The following AARS1 variants were observed in gnomAD, a reference collection of about 807,000 sequenced individuals.
AARS1 encodes alanyl-tRNA synthetase 1.
Under a neutral mutation model 108.9 loss-of-function variants are expected in AARS1, and 72 were observed. The ratio of observed to expected loss-of-function variants is 0.66; its 90% CI spans 0.55 to 0.80. The LOEUF (loss-of-function observed/expected upper bound fraction) is 0.80. AARS1 is among the 30% of genes least tolerant of loss of function. The probability of loss-of-function intolerance (pLI) is 0.00; values close to 1 mark genes in which losing one functional copy is unlikely to be tolerated. For missense variants in AARS1, 1,193 were observed against 1,233.2 expected (o/e 0.97, Z 0.49); for synonymous variants, 489 against 465.7 (o/e 1.05, Z -0.64).
intron 11 of AARS1, among the ~76,000 whole-genome samples, chr16:70,264,489 G>A (rs951631084): frequency 7.9e-5 from 12 of 151,904 alleles, no homozygotes; most frequent in South Asian, 6.2e-4. Context: ...GCTAATTTCC[G>A]TATTTTTAGT....
intron 13 of AARS1, among the ~76,000 whole-genome samples, chr16:70,259,430 C>T (rs914491006): frequency 9.2e-5 from 14 of 152,246 alleles, no homozygotes; most frequent in Middle Eastern, 3.4e-3. Flanking sequence ...TCTTTTCCAC[C>T]GCCTAGAACA....
rs111980438 is a variant in AARS1, at chr16:70,253,801, C to T, written c.2521-1G>A. The T allele has an allele frequency of 6.2e-7, 1 of 1,614,216 alleles. No individual in the cohort carries two copies. The highest frequency in any genetic ancestry group is 8.5e-7 in the Non-Finnish European group (1 of 1,180,038). Reference sequence around the variant, plus strand: ...TGAACTGCTTCGTCTTCTCTAACACCTGCAAGAAAAAAGTCCAGAACAGCA... The same window carrying T: ...TGAACTGCTTCGTCTTCTCTAACACTTGCAAGAAAAAAGTCCAGAACAGCA... On this transcript the variant is annotated splice_acceptor_variant, in intron 18 of 20. Coordinates refer to ENST00000261772, the MANE Select transcript of AARS1 (RefSeq NM_001605.3). LOFTEE classifies it high-confidence loss of function.
chr16:70,265,835 A>G (rs1960249793), intron 9 of AARS1, among the ~76,000 whole-genome samples, 173 bp from the exon 10 acceptor site: 1 of 152,218 alleles, frequency 6.6e-6, no homozygotes, highest in Admixed American at 6.5e-5. Context: ...ACCTGGGGGA[A>G]GCACAATGGA....
intron 14 of AARS1, 99 bp downstream of exon 14, chr16:70,258,881 C>T (rs1312085662): frequency 1.5e-5 from 20 of 1,373,194 alleles, no homozygotes; most frequent in Non-Finnish European, 2.1e-5. Context: ...ACGTGCAGGA[C>T]GAATCTGATA....
At chr16:70,261,779 C>A (rs779486649) in intron 12 of AARS1, among the ~76,000 whole-genome samples, 4 of 150,762 alleles carry the variant, frequency 2.7e-5, no homozygotes, top group Admixed American at 2.6e-4. Context: ...AAGCGATTCT[C>A]CCCTCTCAGC....
chr16:70,284,288 A>G (rs915582813), intron 1 of AARS1, among the ~76,000 whole-genome samples: 1 of 147,108 alleles, frequency 6.8e-6, no homozygotes, highest in Non-Finnish European at 1.5e-5. Flanking sequence ...CCTGGGTGAC[A>G]GAGCAAGACT....
intron 14 of AARS1, among the ~76,000 whole-genome samples, chr16:70,258,483 G>T (rs1960049026): frequency 6.6e-6 from 1 of 152,198 alleles, no homozygotes; most frequent in Admixed American, 6.5e-5. Context: ...AGGTGGGGTG[G>T]GACAAATGCC....
chr16:70,269,370 C>G, intron 7 of AARS1, among the ~76,000 whole-genome samples: 1 of 108,922 alleles, frequency 9.2e-6, no homozygotes, highest in Non-Finnish European at 1.8e-5. Context: ...ACAACCGTCT[C>G]TACTAAAAGT....
At chr16:70,271,747 C>T in intron 5 of AARS1, 34 bp downstream of exon 5, 1 of 1,609,168 alleles carries the variant, frequency 6.2e-7, no homozygotes, top group Non-Finnish European at 8.5e-7. Context: ...CTGCTCAGCT[C>T]AAGGAAAGGA....
intron 2 of AARS1, among the ~76,000 whole-genome samples, chr16:70,281,177 A>C (rs1338240018): frequency 1.3e-5 from 2 of 152,160 alleles, no homozygotes; most frequent in Non-Finnish European, 2.9e-5. Context: ...GTACTAACTA[A>C]TAAATTTTCT....
chr16:70,270,821 G>C (rs561718647), intron 5 of AARS1, among the ~76,000 whole-genome samples: 1 of 119,992 alleles, frequency 8.3e-6, no homozygotes, highest in Non-Finnish European at 1.7e-5. Flanking sequence ...TGGGCAACAA[G>C]AGCAAAACTC....
In AARS1 at chr16:70,271,711, C is replaced by G. The variant is rs930769106; in HGVS notation, c.671+70G>C. ...AATGAGCTTTTAGCTGAGAAGAGAG[C>G]TACACAGCTCCGAGTTCCTCCTCCC... On this transcript the variant is annotated intron_variant, in intron 5 of 20. Transcript: ENST00000261772. 13 of 1,476,958 alleles carry G rather than the reference C, an allele frequency of 8.8e-6. No individual in the cohort carries two copies. In the East Asian group the frequency reaches 2.9e-4, roughly 33 times the overall value. 91.5% of individuals were successfully genotyped at this position (1,476,958 alleles called of 1,614,324 possible). A position where few individuals can be genotyped will look rare whatever the true frequency, so the allele number is the denominator to read the frequency against.
In AARS1 at chr16:70,271,543, A is replaced by C. The variant is rs1960402948; in HGVS notation, c.671+238T>G. 2.6e-5 allele frequency among the ~76,000 whole-genome samples: 4 copies of C among 152,122 alleles called. No homozygotes were observed. The South Asian group carries it at 8.3e-4, about 32-fold the overall frequency. The stretch of plus-strand genomic sequence containing the variant: ...AACTCTGTCTCAAAAAAACAAAAAA[A>C]AAAAACAGCAGCCCGAAGTACAGCA... On this transcript the variant is annotated intron_variant, in intron 5 of 20. Transcript: ENST00000261772.
chr16:70,272,400 G>A (rs905677499), intron 4 of AARS1, among the ~76,000 whole-genome samples: 1 of 151,054 alleles, frequency 6.6e-6, no homozygotes, highest in African/African-American at 2.4e-5. Flanking sequence ...CAGCTACTCG[G>A]GAGGCTGAGG....
chr16:70,274,929 T>C (rs902813535), intron 4 of AARS1, among the ~76,000 whole-genome samples: 58 of 148,666 alleles, frequency 3.9e-4, no homozygotes, highest in Middle Eastern at 3.4e-3. Flanking sequence ...TAAAACTATA[T>C]AAAGTAAAAA....
chr16:70,262,521 A>T lies in AARS1; in HGVS notation c.1496T>A (p.Phe499Tyr), dbSNP rs777384921. Reference protein sequence around the residue: ...YHLDSSGSYVFENTVATVMAL... With the variant: ...YHLDSSGSYVYENTVATVMAL... ...CATCACCGTAGCCACTGTGTTCTCA[A>T]ATACTGCTCAAGGGAAATGCATAGA... The change falls in exon 12 of 21, where the codon TTT becomes TAT. Residue 499 changes from phenylalanine (F) to tyrosine (Y), a missense_variant. Phe to Tyr is a conservative substitution (Grantham distance 22). Transcript: ENST00000261772. 16 of 1,610,910 alleles carry T rather than the reference A, an allele frequency of 9.9e-6. No individual in the cohort carries two copies. The highest frequency in any genetic ancestry group is 1.4e-5 in the Non-Finnish European group (16 of 1,177,340).
rs1312830170 is a variant in AARS1 at position 70,255,783 on chromosome 16, G to A, written c.2231C>T (p.Ala744Val). 6.2e-7 allele frequency: 1 copy of A among 1,614,176 alleles called. No individual in the cohort carries two copies. Among genetic ancestry groups the A allele is most frequent in the Non-Finnish European group, 8.5e-7 (1 of 1,180,020 alleles). The change falls in exon 16 of 21, where the codon GCC becomes GTC. Residue 744 changes from alanine to valine, a missense_variant. Ala to Val is a moderately conservative substitution (Grantham distance 64, BLOSUM62 0). Coordinates refer to ENST00000261772, the MANE Select transcript of AARS1 (RefSeq NM_001605.3). ...AATCCTCCGGATACCCTTGGCAATG[G>A]CTTCTTCCGTCACGATCACAAAAGC... ...AGAFVIVTEE[A>V]IAKGIRRIVA...
At chr16:70,282,815 T>A in intron 1 of AARS1, 31 bp from the exon 2 acceptor site, 1 of 1,586,062 alleles carries the variant, frequency 6.3e-7, no homozygotes, top group Non-Finnish European at 8.7e-7. Context: ...GAAGGAAAAT[T>A]AAGGGAATTG....
At chr16:70,253,601 A>G in intron 19 of AARS1, 113 bp downstream of exon 19, 1 of 1,292,044 alleles carries the variant, frequency 7.7e-7, no homozygotes, top group Non-Finnish European at 1.1e-6. Context: ...CCCAATCTCA[A>G]TCCCAGACCG....
Sources: allele counts gnomAD v4.1 joint callset (sites outside exome capture counted in the v4.1 genomes callset), GRCh38; gene constraint gnomAD v4.1.1; transcripts MANE v1.5; gene names NCBI Gene and HGNC (gene_info 2026-07-23, HGNC 2026-07-21).